The following MTMR8 variants were observed in gnomAD, a reference collection of about 807,000 sequenced individuals.
MTMR8 encodes the protein phosphatidylinositol-3,5-bisphosphate 3-phosphatase MTMR8.
A neutral mutation model predicts 39.3 loss-of-function variants in MTMR8; 65 were observed. The ratio of observed to expected loss-of-function variants is 1.65; its 90% CI spans 1.35 to 2.03. The LOEUF (loss-of-function observed/expected upper bound fraction) is 2.03. MTMR8 is among the 30% of genes most tolerant of loss of function. MTMR8 has a pLI of 0.00. For missense variants in MTMR8, 777 were observed against 538.9 expected (o/e 1.44, Z -4.37); for synonymous variants, 245 against 185.2 (o/e 1.32, Z -2.62).
chrX:64,389,885 G>A (rs1040170498), intron 1 of MTMR8, among the ~76,000 whole-genome samples: 27 of 111,725 alleles, frequency 2.4e-4, no homozygotes, highest in Admixed American at 9.5e-5. Flanking sequence ...TTCAAAGCCA[G>A]CTTTGTCCAT....
intron 5 of MTMR8, among the ~76,000 whole-genome samples, chrX:64,349,145 C>T (rs1222132670): frequency 1.8e-5 from 2 of 111,711 alleles, no homozygotes; most frequent in African/African-American, 3.3e-5. Context: ...CCACATAAAC[C>T]ATAAGCTTGC....
intron 1 of MTMR8, among the ~76,000 whole-genome samples, chrX:64,375,674 T>C (rs1370849382): frequency 9.0e-6 from 1 of 111,722 alleles, no homozygotes; most frequent in Non-Finnish European, 1.9e-5. Flanking sequence ...TTCTGCCATG[T>C]GAGGAGGCAG....
intron 10 of MTMR8, among the ~76,000 whole-genome samples, chrX:64,334,499 A>G (rs1267732554): frequency 9.6e-6 from 1 of 104,422 alleles, no homozygotes; most frequent in Non-Finnish European, 2.0e-5. Flanking sequence ...TCTGAACATC[A>G]TGTCACTGCC....
Position 64,268,642 on chromosome X carries a change from C to G in MTMR8, c.2010G>C (p.Leu670Phe), listed in dbSNP as rs1357264954. 8.3e-7 allele frequency: 1 copy of G among 1,211,720 alleles called. No individual in the cohort carries two copies. Residue 670 changes from leucine (L) to phenylalanine (F), a missense_variant, in exon 14 of 14, where the codon TTG (leucine) becomes TTC (phenylalanine). Leu to Phe is a conservative substitution (Grantham distance 22). Transcript: ENST00000374852. Reference sequence around the variant, plus strand: ...AGAAACCCCTGGCCTCAGAAATACCCAAGTTTCCAGAGATGCCAGTGGCCT... The same window carrying G: ...AGAAACCCCTGGCCTCAGAAATACCGAAGTTTCCAGAGATGCCAGTGGCCT... ...ISEATGISGN[L>F]GISEARGFSG...
chrX:64,354,271 G>T (rs934820414), intron 4 of MTMR8, among the ~76,000 whole-genome samples: 1 of 109,032 alleles, frequency 9.2e-6, no homozygotes, highest in Non-Finnish European at 1.9e-5. Flanking sequence ...AAAACAGGAC[G>T]ACTACAGATA....
chrX:64,318,486 T>A (rs775670121), intron 12 of MTMR8, among the ~76,000 whole-genome samples: 1 of 111,223 alleles, frequency 9.0e-6, no homozygotes, highest in African/African-American at 3.3e-5. Context: ...CAAGTCTGGG[T>A]TATATGAGGC....
At chrX:64,318,173 T>G (rs1351329750) in intron 12 of MTMR8, among the ~76,000 whole-genome samples, 2 of 111,822 alleles carry the variant, frequency 1.8e-5, no homozygotes, top group Non-Finnish European at 3.8e-5. Flanking sequence ...GGAACAGAAG[T>G]GTCTTTTAGG....
chrX:64,308,634 T>A lies in MTMR8; in HGVS notation c.1481+20138A>T, dbSNP rs967702066. Reference sequence around the variant, plus strand: ...AAACAATATTTTCATTTGATTCCAGTCTATAAACTATTTCTACATAACGAT... The same window carrying A: ...AAACAATATTTTCATTTGATTCCAGACTATAAACTATTTCTACATAACGAT... On this transcript the variant is annotated intron_variant, in intron 12 of 13. Transcript: ENST00000374852. Among the ~76,000 whole-genome samples the A allele has an allele frequency of 9.0e-5, 10 of 111,358 alleles. No homozygotes were observed. In the Admixed American group the frequency reaches 9.6e-4, roughly 11 times the overall value.
chrX:64,368,365 A>C (rs1357933187), intron 1 of MTMR8, among the ~76,000 whole-genome samples: 1 of 111,845 alleles, frequency 8.9e-6, no homozygotes, highest in Admixed American at 9.5e-5. Flanking sequence ...ACTATACTTC[A>C]AGGCTATAGT....
Position 64,285,456 on chromosome X carries a change from C to T in MTMR8, c.1482-14383G>A, listed in dbSNP as rs764991634. Reference sequence around the variant, plus strand: ...AAGGATATCCAGGAACTGAATTCAGCTCTGCACCAAGCAGACCTAATAGAC... The same window carrying T: ...AAGGATATCCAGGAACTGAATTCAGTTCTGCACCAAGCAGACCTAATAGAC... On this transcript the variant is annotated intron_variant, in intron 12 of 13. Coordinates refer to ENST00000374852, the MANE Select transcript of MTMR8 (RefSeq NM_017677.4). 6.3e-5 allele frequency among the ~76,000 whole-genome samples: 7 copies of T among 111,389 alleles called. No individual in the cohort carries two copies. In the East Asian group the frequency reaches 8.5e-4, roughly 13 times the overall value.
At chrX:64,269,439 T>C (rs1200385064) in intron 13 of MTMR8, among the ~76,000 whole-genome samples, 1 of 111,565 alleles carries the variant, frequency 9.0e-6, no homozygotes, top group Non-Finnish European at 1.9e-5. Flanking sequence ...ATGAAGAAAC[T>C]GAGGCTCAGA....
In MTMR8 at chrX:64,337,499, T is replaced by C. The variant is rs945627552; in HGVS notation, c.976-106A>G. ...CTAAAGCACAGAGAACCTGGTCTTA[T>C]GGGCTACATTAATTTTTTCTCATAA... On this transcript the variant is annotated intron_variant, in intron 8 of 13. Transcript: ENST00000374852. The C allele has an allele frequency of 2.9e-5, 25 of 865,737 alleles. No homozygotes were observed. The African/African-American group carries it at 3.5e-4, about 12-fold the overall frequency. The allele number at this position is 865,737 out of a possible 1,213,427, so 71.3% of individuals were successfully genotyped here.
At chrX:64,294,283 A>G (rs889620728) in intron 12 of MTMR8, among the ~76,000 whole-genome samples, 2 of 111,832 alleles carry the variant, frequency 1.8e-5, no homozygotes, top group African/African-American at 6.5e-5. Flanking sequence ...AACATGCTCC[A>G]ATTGGGAAAT....
chrX:64,304,860 TTATATATATATATA>T (rs751399962), intron 12 of MTMR8, among the ~76,000 whole-genome samples: 1,961 of 28,527 alleles, frequency 0.069, 101 homozygotes, highest in African/African-American at 0.12. Context: ...GATCAAACAT[TTATATATATATATA>T]TATATATATA....
At chrX:64,374,768 A>C (rs891431909) in intron 1 of MTMR8, among the ~76,000 whole-genome samples, 1 of 110,797 alleles carries the variant, frequency 9.0e-6, no homozygotes, top group African/African-American at 3.3e-5. Flanking sequence ...CTAAGATGAA[A>C]TCATCCAGGA....
At chrX:64,343,550 T>G in intron 8 of MTMR8, 61 bp downstream of exon 8, 1 of 697,326 alleles carries the variant, frequency 1.4e-6, no homozygotes, top group Non-Finnish European at 2.2e-6. Flanking sequence ...CATGGCACAC[T>G]ACTACTTCAA....
intron 12 of MTMR8, among the ~76,000 whole-genome samples, chrX:64,295,861 G>C (rs1208405419): frequency 1.8e-5 from 2 of 111,960 alleles, no homozygotes; most frequent in African/African-American, 3.2e-5. Flanking sequence ...TTGCTGATGG[G>C]AATGTAAAAT....
chrX:64,285,813 C>CT (rs1331537401), intron 12 of MTMR8, among the ~76,000 whole-genome samples: 2 of 110,923 alleles, frequency 1.8e-5, no homozygotes, highest in African/African-American at 3.3e-5. Flanking sequence ...ATCTCTGGGA[C>CT]ACATTCAAAG....
chrX:64,341,900 A>G (rs752476997), intron 8 of MTMR8, among the ~76,000 whole-genome samples: 1 of 112,348 alleles, frequency 8.9e-6, no homozygotes, highest in African/African-American at 3.2e-5. Flanking sequence ...TTGATAATGT[A>G]CATGTATTGC....
Sources: allele counts gnomAD v4.1 joint callset (sites outside exome capture counted in the v4.1 genomes callset), GRCh38; gene constraint gnomAD v4.1.1; transcripts MANE v1.5; gene names NCBI Gene and HGNC (gene_info 2026-07-23, HGNC 2026-07-21).